The following DCDC2C variants were observed in gnomAD, a reference collection of about 807,000 sequenced individuals.
DCDC2C encodes the protein doublecortin domain-containing protein 2C.
A neutral mutation model predicts 45.0 loss-of-function variants in DCDC2C; 44 were observed. The ratio of observed to expected loss-of-function variants is 0.98; its 90% CI spans 0.77 to 1.26. The LOEUF is 1.26. Among genes scored for constraint, DCDC2C ranks in the 50% most tolerant of loss-of-function variants. The probability of loss-of-function intolerance (pLI) is 0.00; values close to 1 mark genes in which losing one functional copy is unlikely to be tolerated. For synonymous variants in DCDC2C, 187 were observed against 178.8 expected (o/e 1.05, Z -0.37); for missense variants, 447 against 468.9 (o/e 0.95, Z 0.43).
chr2:3,741,832 A>T, intron 3 of DCDC2C, 88 bp from the exon 4 acceptor site: 1 of 1,353,232 alleles, frequency 7.4e-7, no homozygotes, highest in Non-Finnish European at 9.9e-7. Flanking sequence ...TTGTTTTTAC[A>T]GTTCTGTAAT....
At chr2:3,790,164 T>A (rs1266893263) in intron 10 of DCDC2C, among the ~76,000 whole-genome samples, 1 of 152,206 alleles carries the variant, frequency 6.6e-6, no homozygotes, top group African/African-American at 2.4e-5. Context: ...GCTGAGAAAC[T>A]GTGCGCCTTC....
At chr2:3,742,087 C>T (rs1234272182) in intron 4 of DCDC2C, 39 bp downstream of exon 4, 18 of 1,487,730 alleles carry the variant, frequency 1.2e-5, no homozygotes, top group Non-Finnish European at 1.5e-5. Context: ...CAGGGGGCGG[C>T]AGCTTGTGTT....
chr2:3,706,531 TATGTGTGCACGC>T (rs1240607997), intron 1 of DCDC2C, among the ~76,000 whole-genome samples: 2 of 147,796 alleles, frequency 1.4e-5, no homozygotes, highest in Non-Finnish European at 3.0e-5. Flanking sequence ...GGGTGTTGTG[TATGTGTGCACGC>T]ATGTGTGTGC....
At chr2:3,781,396 G>A (rs996506302) in intron 9 of DCDC2C, among the ~76,000 whole-genome samples, 1 of 152,228 alleles carries the variant, frequency 6.6e-6, no homozygotes, top group Admixed American at 6.5e-5. Flanking sequence ...CCGGGATTGT[G>A]TCCTGTCAAC....
intron 6 of DCDC2C, among the ~76,000 whole-genome samples, chr2:3,755,298 T>C (rs1465732881): frequency 1.3e-5 from 2 of 152,218 alleles, no homozygotes; most frequent in Non-Finnish European, 2.9e-5. Flanking sequence ...GATGCATGTG[T>C]GTGCATATGA....
At chr2:3,804,541 T>C (rs565434896) in intron 10 of DCDC2C, among the ~76,000 whole-genome samples, 1 of 152,336 alleles carries the variant, frequency 6.6e-6, no homozygotes, top group East Asian at 1.9e-4. Flanking sequence ...ATTTTTCTAA[T>C]TATTACATTA....
At chr2:3,847,080 G>T in intron 10 of DCDC2C, 74 bp from the exon 11 acceptor site, 1 of 1,042,744 alleles carries the variant, frequency 9.6e-7, no homozygotes, top group South Asian at 4.9e-5. Context: ...GCTCCTGAGA[G>T]AACCAGAAAC....
intron 10 of DCDC2C, among the ~76,000 whole-genome samples, chr2:3,821,807 A>G (rs1294357706): frequency 6.6e-6 from 1 of 152,268 alleles, no homozygotes; most frequent in East Asian, 1.9e-4. Context: ...TTTAGAAATC[A>G]AATCTCCTTT....
intron 10 of DCDC2C, among the ~76,000 whole-genome samples, chr2:3,785,496 A>G (rs1024329659): frequency 2.6e-5 from 4 of 151,824 alleles, no homozygotes; most frequent in African/African-American, 9.7e-5. Flanking sequence ...CTGCACCTTC[A>G]GACGCCAGCC....
intron 10 of DCDC2C, among the ~76,000 whole-genome samples, chr2:3,810,277 A>C (rs757637325): frequency 2.0e-5 from 3 of 152,148 alleles, no homozygotes; most frequent in Non-Finnish European, 4.4e-5. Context: ...CTTTTTAATA[A>C]TTGCCATTTG....
At chr2:3,710,670 T>C (rs1014618932) in intron 2 of DCDC2C, among the ~76,000 whole-genome samples, 11 of 152,172 alleles carry the variant, frequency 7.2e-5, no homozygotes, top group Admixed American at 7.2e-4. Flanking sequence ...GTGACTACTG[T>C]CATCATCTTT....
At chr2:3,820,272 C>T (rs577326116) in intron 10 of DCDC2C, among the ~76,000 whole-genome samples, 30 of 152,120 alleles carry the variant, frequency 2.0e-4, no homozygotes, top group African/African-American at 4.1e-4. Flanking sequence ...AGTGGTGTTG[C>T]AGAAGAAAAT....
intron 10 of DCDC2C, among the ~76,000 whole-genome samples, chr2:3,805,303 T>C (rs559488001): frequency 4.6e-5 from 7 of 152,174 alleles, no homozygotes; most frequent in African/African-American, 1.4e-4. Context: ...ACCTGCCAGG[T>C]TGATGAGTCC....
At chr2:3,802,189 C>T (rs922821025) in intron 10 of DCDC2C, among the ~76,000 whole-genome samples, 3 of 152,262 alleles carry the variant, frequency 2.0e-5, no homozygotes, top group South Asian at 2.1e-4. Flanking sequence ...GCTGCCATGT[C>T]ATCCCTTTCT....
At position 3,837,185 on chromosome 2, in the gene DCDC2C, G is replaced by A. The variant is rs140410596; in HGVS notation, c.1066-9969G>A. ...AAGTACACTGGCCAATCTCTTAAGG[G>A]CCTCTTCAGGTGAAAACGGTATTCG... On this transcript the variant is annotated intron_variant, in intron 10 of 10. Transcript: ENST00000399143. Among the ~76,000 whole-genome samples the A allele has an allele frequency of 4.1e-4, 62 of 152,284 alleles. 1 individual carries two copies. In the East Asian group the frequency reaches 0.011, roughly 27 times the overall value.
At chr2:3,756,076 ATGTGTGTG>A (rs557602828) in intron 6 of DCDC2C, among the ~76,000 whole-genome samples, 1 of 149,902 alleles carries the variant, frequency 6.7e-6, no homozygotes, top group African/African-American at 2.4e-5. Flanking sequence ...ATGGATGCAT[ATGTGTGTG>A]TGTGTGTGTG....
chr2:3,837,409 G>A (rs1224265683), intron 10 of DCDC2C, among the ~76,000 whole-genome samples: 1 of 152,146 alleles, frequency 6.6e-6, no homozygotes, highest in African/African-American at 2.4e-5. Flanking sequence ...TCCAAAGAAT[G>A]GAAGTAGTGG....
At chr2:3,755,237 A>G (rs1458304506) in intron 6 of DCDC2C, among the ~76,000 whole-genome samples, 5 of 151,588 alleles carry the variant, frequency 3.3e-5, no homozygotes, top group Non-Finnish European at 7.4e-5. Context: ...TGATGTGTAT[A>G]TGATGTGCAT....
chr2:3,715,467 T>C (rs1248061555), intron 2 of DCDC2C, among the ~76,000 whole-genome samples: 2 of 152,180 alleles, frequency 1.3e-5, no homozygotes, highest in African/African-American at 4.8e-5. Context: ...GCTCTGTAAT[T>C]CGGACAAATT....
Sources: allele counts gnomAD v4.1 joint callset (sites outside exome capture counted in the v4.1 genomes callset), GRCh38; gene constraint gnomAD v4.1.1; transcripts MANE v1.5; gene names NCBI Gene and HGNC (gene_info 2026-07-23, HGNC 2026-07-21).